SAMD3: variants seen among roughly 807,000 people sequenced by gnomAD.
SAMD3 encodes sterile alpha motif domain-containing protein 3.
Under a neutral mutation model 58.5 loss-of-function variants are expected in SAMD3, and 63 were observed. The ratio of observed to expected loss-of-function variants is 1.08; its 90% CI spans 0.88 to 1.33. The LOEUF is 1.33. Among genes scored for constraint, SAMD3 ranks in the 40% most tolerant of loss-of-function variants. SAMD3 has a pLI of 0.00. For synonymous variants in SAMD3, 220 were observed against 210.3 expected (o/e 1.05, Z -0.40); for missense variants, 604 against 608.4 (o/e 0.99, Z 0.08).
At chr6:130,182,274 T>C (rs1792424903) in intron 7 of SAMD3, among the ~76,000 whole-genome samples, 1 of 152,108 alleles carries the variant, frequency 6.6e-6, no homozygotes, top group Non-Finnish European at 1.5e-5. Flanking sequence ...TTTGTTTTTT[T>C]AGAGGAAATT....
chr6:130,273,341 C>A (rs1396990238), intron 2 of SAMD3, among the ~76,000 whole-genome samples: 1 of 152,072 alleles, frequency 6.6e-6, no homozygotes, highest in African/African-American at 2.4e-5. Flanking sequence ...ACTATTTGTA[C>A]AGAATATCTT....
chr6:130,285,828 C>A lies in SAMD3; in HGVS notation c.-188+27150G>T, dbSNP rs11964800. Among the ~76,000 whole-genome samples, 599 of 152,232 alleles carry A rather than the reference C, an allele frequency of 3.9e-3. 7 individuals are homozygous for A. The highest frequency in any genetic ancestry group is 0.014 in the African/African-American group (563 of 41,538). ...ACTGGGGTTGCAAAGATAACTAAGA[C>A]AAGTCCCAGCCCAAGATTTCATAGT... On this transcript the variant is annotated intron_variant, in intron 2 of 13. Transcript: ENST00000368134.
chr6:130,189,657 C>T (rs1793350203), intron 5 of SAMD3, among the ~76,000 whole-genome samples: 2 of 152,196 alleles, frequency 1.3e-5, no homozygotes, highest in African/African-American at 4.8e-5. Flanking sequence ...CATGCTACTA[C>T]ACTAATCCAA....
chr6:130,151,890 G>A (rs1464511273), intron 9 of SAMD3, among the ~76,000 whole-genome samples: 1 of 152,182 alleles, frequency 6.6e-6, no homozygotes, highest in Non-Finnish European at 1.5e-5. Context: ...TTCAGTTTGT[G>A]TTTGGTATTT....
chr6:130,194,312 GA>G (rs1253887019), intron 5 of SAMD3, among the ~76,000 whole-genome samples: 2 of 152,134 alleles, frequency 1.3e-5, no homozygotes, highest in Non-Finnish European at 2.9e-5. Flanking sequence ...GCAACCCTGA[GA>G]CACTTTACAG....
chr6:130,329,043 CCT>C (rs10679349), intron 1 of SAMD3, among the ~76,000 whole-genome samples: 2,381 of 146,016 alleles, frequency 0.016, 39 homozygotes, highest in African/African-American at 0.049. Context: ...TCTCTCTCTC[CCT>C]CTCTCTCTCT....
chr6:130,155,543 G>A (rs953212), intron 8 of SAMD3, among the ~76,000 whole-genome samples: 9,863 of 152,174 alleles, frequency 0.065, 327 homozygotes, highest in Non-Finnish European at 0.082. Flanking sequence ...AACTGGGTAC[G>A]TTGGGCGGAG....
At chr6:130,357,443 T>TA (rs1446635682) in intron 1 of SAMD3, among the ~76,000 whole-genome samples, 22 of 151,892 alleles carry the variant, frequency 1.4e-4, no homozygotes, top group South Asian at 1.0e-3. Context: ...TAATTTCAGT[T>TA]AAAAAAAATC....
At chr6:130,234,989 T>A (rs1796644124) in intron 2 of SAMD3, among the ~76,000 whole-genome samples, 1 of 152,022 alleles carries the variant, frequency 6.6e-6, no homozygotes, top group Non-Finnish European at 1.5e-5. Flanking sequence ...GTGGTGTGCA[T>A]GTGTGGTCCC....
intron 9 of SAMD3, among the ~76,000 whole-genome samples, chr6:130,148,878 C>CA (rs1031403888): frequency 9.0e-4 from 137 of 151,640 alleles, no homozygotes; most frequent in African/African-American, 3.1e-3. Context: ...AAAACCCAAC[C>CA]AAAAAAAACC....
chr6:130,245,192 T>C lies in SAMD3; in HGVS notation c.-187-22379A>G, dbSNP rs9385538. Among the ~76,000 whole-genome samples, 6 of 152,360 alleles carry C rather than the reference T, an allele frequency of 3.9e-5. No homozygotes were observed. The East Asian group carries it at 1.2e-3, about 29-fold the overall frequency. ...AGAACTAAAGTTGTGTGGAAAGTGC[T>C]AGACTACTTTGAATAGTGGTTAAAA... On this transcript the variant is annotated intron_variant, in intron 2 of 13. Transcript: ENST00000368134.
At chr6:130,248,601 T>C (rs1335498791) in intron 2 of SAMD3, among the ~76,000 whole-genome samples, 1 of 152,122 alleles carries the variant, frequency 6.6e-6, no homozygotes, top group African/African-American at 2.4e-5. Context: ...CCTCAGCCTG[T>C]CCATCCCCTA....
At chr6:130,206,601 G>C (rs1007622369) in intron 5 of SAMD3, among the ~76,000 whole-genome samples, 1 of 152,168 alleles carries the variant, frequency 6.6e-6, no homozygotes, top group South Asian at 2.1e-4. Flanking sequence ...ACTAAGGCAG[G>C]ACAGATAAGT....
At chr6:130,350,736 G>A (rs1036678631) in intron 1 of SAMD3, among the ~76,000 whole-genome samples, 9 of 152,120 alleles carry the variant, frequency 5.9e-5, no homozygotes, top group African/African-American at 2.2e-4. Flanking sequence ...AAGTTCATAT[G>A]GAACCAAAAA....
intron 5 of SAMD3, among the ~76,000 whole-genome samples, chr6:130,188,330 AAC>A (rs1451145741): frequency 1.3e-5 from 2 of 152,336 alleles, no homozygotes; most frequent in South Asian, 4.1e-4. Context: ...GAGCAGAAGA[AAC>A]ACAGATGTTA....
rs560118238 is a variant in SAMD3 at position 130,347,082 on chromosome 6, G to C, written c.-304+18038C>G. Among the ~76,000 whole-genome samples the C allele has an allele frequency of 2.0e-5, 3 of 152,108 alleles. No individual in the cohort carries two copies. In the South Asian group the frequency reaches 6.2e-4, roughly 32 times the overall value. ...ATCCACACCAAAACCCCATCTGTAC[G>C]TCACTATCATCAAAGACCAAAGGTA... On this transcript the variant is annotated intron_variant, in intron 1 of 13. Transcript: ENST00000368134.
chr6:130,202,034 C>A (rs190103508), intron 5 of SAMD3, among the ~76,000 whole-genome samples: 149 of 152,288 alleles, frequency 9.8e-4, no homozygotes, highest in African/African-American at 3.5e-3. Flanking sequence ...CTACATAGTA[C>A]CTAGCCCATG....
At chr6:130,262,971 T>G in intron 2 of SAMD3, among the ~76,000 whole-genome samples, 1 of 152,082 alleles carries the variant, frequency 6.6e-6, no homozygotes, top group East Asian at 1.9e-4. Context: ...TTATAAAAGG[T>G]TAAAAAGAAT....
At chr6:130,176,966 A>C (rs923648203) in intron 7 of SAMD3, among the ~76,000 whole-genome samples, 2 of 152,190 alleles carry the variant, frequency 1.3e-5, no homozygotes, top group African/African-American at 4.8e-5. Context: ...CACCCCATTA[A>C]GGAACCTCAA....
Sources: gnomAD v4.1 joint callset for allele counts (sites outside exome capture counted in the v4.1 genomes callset) on GRCh38, gnomAD v4.1.1 for gene constraint, MANE v1.5 for transcripts, NCBI Gene and HGNC (gene_info 2026-07-23, HGNC 2026-07-21) for gene names.